The following EPB41 variants were observed in gnomAD, a reference collection of about 807,000 sequenced individuals.
EPB41 encodes erythrocyte membrane protein band 4.1.
In EPB41, 65 loss-of-function variants were observed where a neutral mutation model predicts 108.0. The ratio of observed to expected loss-of-function variants is 0.60; its 90% CI spans 0.49 to 0.74. The LOEUF (loss-of-function observed/expected upper bound fraction) is 0.74, where lower values mean the gene tolerates loss of function less well. Ranked by LOEUF, EPB41 falls within the 30% of genes least tolerant of loss-of-function variation. EPB41 has a pLI of 0.00. For missense variants in EPB41, 875 were observed against 1,037.0 expected, an observed-to-expected ratio of 0.84 and a Z score of 2.15; for synonymous variants, 336 against 358.9, an observed-to-expected ratio of 0.94 and a Z score of 0.72.
At chr1:28,920,118 T>C (rs968868563) in intron 1 of EPB41, among the ~76,000 whole-genome samples, 1 of 152,202 alleles carries the variant, frequency 6.6e-6, no homozygotes. Context: ...CAAGATTATC[T>C]GTCTGATGGA....
chr1:28,905,471 G>C (rs987104684), intron 1 of EPB41, among the ~76,000 whole-genome samples: 1 of 151,578 alleles, frequency 6.6e-6, no homozygotes, highest in African/African-American at 2.4e-5. Context: ...CACTCAGCCT[G>C]GGCGACAGAG....
chr1:29,077,778 CAT>C (rs1654709128), intron 16 of EPB41, among the ~76,000 whole-genome samples: 1 of 152,150 alleles, frequency 6.6e-6, no homozygotes, highest in African/African-American at 2.4e-5. Flanking sequence ...ATAGATAACA[CAT>C]AAAATGAATG....
At chr1:29,060,638 A>G (rs1277283529) in intron 15 of EPB41, among the ~76,000 whole-genome samples, 154 bp downstream of exon 15, 1 of 152,250 alleles carries the variant, frequency 6.6e-6, no homozygotes, top group Non-Finnish European at 1.5e-5. Flanking sequence ...GTTGGTGAAC[A>G]TGAAGATATG....
chr1:29,074,144 A>C (rs1201142308), intron 16 of EPB41, among the ~76,000 whole-genome samples: 3 of 152,210 alleles, frequency 2.0e-5, no homozygotes, highest in Non-Finnish European at 4.4e-5. Flanking sequence ...GGGCAAAATT[A>C]ATATGAGACA....
chr1:28,966,081 G>A (rs562034257), intron 1 of EPB41, among the ~76,000 whole-genome samples: 3 of 152,082 alleles, frequency 2.0e-5, no homozygotes, highest in Non-Finnish European at 4.4e-5. Context: ...TACTTGGGAG[G>A]CTGAGGCAGG....
intron 17 of EPB41, among the ~76,000 whole-genome samples, chr1:29,102,929 C>A (rs1348874921): frequency 6.6e-6 from 1 of 152,162 alleles, no homozygotes; most frequent in Non-Finnish European, 1.5e-5. Flanking sequence ...CCCACCACCA[C>A]ACCCAGCTAA....
Position 29,011,874 on chromosome 1 carries a change from G to A in EPB41, c.796G>A (p.Asp266Asn), listed in dbSNP as rs2096507749. The change falls in exon 5 of 21, where the codon GAT (aspartate) becomes AAT (asparagine). Residue 266 changes from aspartate (D) to asparagine (N), a missense_variant. Asp to Asn is a conservative substitution (Grantham distance 23). Around this residue, in one of 3 missense-constraint regions of EPB41, gnomAD observed 353 missense variants for 393.2 expected, o/e 0.90. Coordinates refer to ENST00000343067, the MANE Select transcript of EPB41 (RefSeq NM_001376013.1). ...TTTCTCCTTTTTACAGACATGGCTG[G>A]ATTCCGCCAAAGAAATAAAAAAGCA... ...WDNATSKTWL[D>N]SAKEIKKQVR... is the part of the protein sequence containing the mutation. 13 of 1,614,096 alleles carry A rather than the reference G, an allele frequency of 8.1e-6. No individual in the cohort carries two copies. The highest frequency in any genetic ancestry group is 1.1e-5 in the Non-Finnish European group (13 of 1,179,968).
chr1:29,028,724 C>T (rs2096752144), intron 7 of EPB41, among the ~76,000 whole-genome samples: 1 of 152,168 alleles, frequency 6.6e-6, no homozygotes, highest in Non-Finnish European at 1.5e-5. Context: ...ACTCTTTAAA[C>T]TTCAAGCTCC....
rs572090021 is a variant in EPB41 at position 28,993,142 on chromosome 1, T to TTAA, written c.469-184_469-182dup. Among the ~76,000 whole-genome samples the TTAA allele has an allele frequency of 3.8e-3, 572 of 152,310 alleles. 6 individuals carry two copies. Among genetic ancestry groups the TTAA allele is most frequent in the African/African-American group, 0.013 (530 of 41,568 alleles). On this transcript the variant is annotated intron_variant, in intron 2 of 20. Coordinates refer to ENST00000343067, the MANE Select transcript of EPB41 (RefSeq NM_001376013.1). ...TTGATGGGATTCTACCTGAGAAGTT[T>TTAA]TAATAACAAAGTCTTTAGGGCATTT... is the stretch of plus-strand genomic sequence containing the variant.
intron 16 of EPB41, among the ~76,000 whole-genome samples, chr1:29,066,504 A>T (rs1647921654): frequency 6.6e-6 from 1 of 152,198 alleles, no homozygotes; most frequent in Non-Finnish European, 1.5e-5. Context: ...GTTACCATGA[A>T]CATATACCCC....
At chr1:28,919,903 A>G (rs1318656858) in intron 1 of EPB41, among the ~76,000 whole-genome samples, 1 of 152,148 alleles carries the variant, frequency 6.6e-6, no homozygotes, top group Non-Finnish European at 1.5e-5. Context: ...AGTTAAATCT[A>G]TGTGGATTAA....
intron 1 of EPB41, among the ~76,000 whole-genome samples, chr1:28,906,467 G>A (rs2147961171): frequency 6.6e-6 from 1 of 152,318 alleles, no homozygotes; most frequent in Middle Eastern, 3.4e-3. Context: ...TTAAGGCTGA[G>A]TGAGCTGAGG....
chr1:28,909,952 C>T (rs1570365218), upstream of EPB41, among the ~76,000 whole-genome samples: 1 of 151,304 alleles, frequency 6.6e-6, no homozygotes, highest in East Asian at 2.0e-4. Flanking sequence ...GACATGATGG[C>T]ATGCCTGTAG....
At chr1:28,903,322 C>CTTTTT (rs1469847584) in intron 1 of EPB41, among the ~76,000 whole-genome samples, 14 of 144,440 alleles carry the variant, frequency 9.7e-5, no homozygotes, top group Middle Eastern at 3.6e-3. Flanking sequence ...TTTTTCTTTT[C>CTTTTT]TTTCTTTTTT....
intron 1 of EPB41, among the ~76,000 whole-genome samples, chr1:28,964,138 T>A (rs1056078773): frequency 6.6e-6 from 1 of 152,194 alleles, no homozygotes; most frequent in African/African-American, 2.4e-5. Context: ...TACTTCCATA[T>A]TTAACATCGT....
chr1:29,076,039 C>CT (rs769251552), intron 16 of EPB41, among the ~76,000 whole-genome samples: 1 of 152,164 alleles, frequency 6.6e-6, no homozygotes, highest in Non-Finnish European at 1.5e-5. Context: ...ATCTGTTTCC[C>CT]TGTAGCTTTC....
intron 11 of EPB41, chr1:29,041,148 T>C (rs199744231): frequency 2.2e-5 from 1 of 45,116 alleles, no homozygotes; most frequent in Middle Eastern, 0.012. Context: ...ATAAATAAAT[T>C]AAATAAATAA....
intron 5 of EPB41, 53 bp from the exon 6 acceptor site, chr1:29,015,639 A>G: frequency 9.1e-7 from 1 of 1,095,184 alleles, no homozygotes; most frequent in Non-Finnish European, 1.4e-6. Context: ...GGTACTTCCA[A>G]CAATTAGAAA....
At chr1:28,889,799 G>A (rs1259609691) in intron 1 of EPB41, 1 of 985,198 alleles carries the variant, frequency 1.0e-6, no homozygotes, top group East Asian at 1.1e-4. Flanking sequence ...GCTTCATTCG[G>A]TTATTCTCTA....
Sources: allele counts gnomAD v4.1 joint callset (sites outside exome capture counted in the v4.1 genomes callset), GRCh38; gene constraint gnomAD v4.1.1; regional missense constraint gnomAD v4.1.1; transcripts MANE v1.5; gene names NCBI Gene and HGNC (gene_info 2026-07-23, HGNC 2026-07-21).